NAALADL2: variants seen among roughly 807,000 people sequenced by gnomAD.
NAALADL2 encodes the protein N-acetylated alpha-linked acidic dipeptidase like 2.
In NAALADL2, 76 loss-of-function variants were observed where a neutral mutation model predicts 87.2. The ratio of observed to expected loss-of-function variants is 0.87; its 90% CI spans 0.72 to 1.05. The LOEUF is 1.05. Among genes scored for constraint, NAALADL2 ranks in the 50% least tolerant of loss-of-function variants. The pLI, the probability that NAALADL2 is intolerant of heterozygous loss-of-function variation, is 0.00. For synonymous variants in NAALADL2, 354 were observed against 331.0 expected (o/e 1.07, Z -0.75); for missense variants, 1,089 against 945.8 (o/e 1.15, Z -1.99).
At chr3:175,170,527 C>T (rs1283527272) in intron 2 of NAALADL2, among the ~76,000 whole-genome samples, 2 of 146,836 alleles carry the variant, frequency 1.4e-5, no homozygotes, top group Non-Finnish European at 3.0e-5. Context: ...TAGTATTTGC[C>T]TAGAAGAGAG....
At chr3:175,197,225 T>G (rs1249607623) in intron 2 of NAALADL2, among the ~76,000 whole-genome samples, 1 of 152,050 alleles carries the variant, frequency 6.6e-6, no homozygotes, top group East Asian at 1.9e-4. Flanking sequence ...TGCATATGTC[T>G]GTATTTGTTT....
chr3:175,157,762 G>T (rs186777515), intron 2 of NAALADL2, among the ~76,000 whole-genome samples: 1 of 151,968 alleles, frequency 6.6e-6, no homozygotes, highest in African/African-American at 2.4e-5. Context: ...AAGTTATCTC[G>T]TAGAACAGTG....
At chr3:174,709,831 T>C (rs1014195060) in intron 2 of NAALADL2, among the ~76,000 whole-genome samples, 1 of 152,238 alleles carries the variant, frequency 6.6e-6, no homozygotes, top group Non-Finnish European at 1.5e-5. Context: ...GACTGGCTAC[T>C]GTTCTTTCTC....
chr3:175,097,253 C>T lies in NAALADL2; in HGVS notation c.507C>T (p.Leu169=). Residue 169 remains leucine (L), a synonymous_variant, in exon 2 of 14, where the codon CTC becomes CTT. Transcript: ENST00000454872. The part of the protein sequence containing the change: ...TVDPQLYQEI[L]KTIQAEDIKK... Reference sequence around the variant, plus strand: ...ATCCTCAGTTATATCAAGAGATTCTCAAGACAATCCAGGCAGAAGATATTA... The same window carrying T: ...ATCCTCAGTTATATCAAGAGATTCTTAAGACAATCCAGGCAGAAGATATTA... 1 of 1,612,556 alleles carries T rather than the reference C, an allele frequency of 6.2e-7. No homozygotes were observed. The highest frequency in any genetic ancestry group is 1.3e-5 in the African/African-American group (1 of 74,864).
intron 2 of NAALADL2, among the ~76,000 whole-genome samples, chr3:175,108,433 A>G (rs547181425): frequency 1.4e-3 from 217 of 152,142 alleles, no homozygotes; most frequent in African/African-American, 4.9e-3. Flanking sequence ...AGCAGTTCCA[A>G]TTCTATGGAG....
At chr3:175,568,699 T>C (rs900514466) in intron 9 of NAALADL2, among the ~76,000 whole-genome samples, 1 of 152,220 alleles carries the variant, frequency 6.6e-6, no homozygotes, top group Non-Finnish European at 1.5e-5. Flanking sequence ...TCAAAAATTA[T>C]GTTTCAACTG....
At chr3:175,391,124 A>G (rs763760427) in intron 5 of NAALADL2, among the ~76,000 whole-genome samples, 1 of 152,208 alleles carries the variant, frequency 6.6e-6, no homozygotes, top group Non-Finnish European at 1.5e-5. Flanking sequence ...CAATGTAGAC[A>G]AACCTAAAAG....
At chr3:175,623,169 T>C (rs1726469045) in intron 10 of NAALADL2, among the ~76,000 whole-genome samples, 1 of 152,146 alleles carries the variant, frequency 6.6e-6, no homozygotes, top group African/African-American at 2.4e-5. Flanking sequence ...GCATAAATCT[T>C]AATTTTTAAG....
At chr3:175,730,409 T>TATATATATATATATATATATATATAG (rs1743537532) in intron 11 of NAALADL2, among the ~76,000 whole-genome samples, 3 of 81,080 alleles carry the variant, frequency 3.7e-5, no homozygotes, top group Non-Finnish European at 7.5e-5. Context: ...TATATATATA[T>TATATATATATATATATATATATATAG]ATATATATAT....
chr3:174,983,046 C>T (rs1210384915), intron 1 of NAALADL2, among the ~76,000 whole-genome samples: 1 of 152,148 alleles, frequency 6.6e-6, no homozygotes, highest in Non-Finnish European at 1.5e-5. Flanking sequence ...GATCCGCCTG[C>T]CTCGGCCTCC....
At chr3:174,843,614 A>G (rs1486431253) in intron 3 of NAALADL2, among the ~76,000 whole-genome samples, 1 of 152,164 alleles carries the variant, frequency 6.6e-6, no homozygotes, top group Non-Finnish European at 1.5e-5. Flanking sequence ...AGGAACCTCT[A>G]TAATGTTTTT....
At chr3:175,047,675 C>A (rs1033820615) in intron 1 of NAALADL2, among the ~76,000 whole-genome samples, 4 of 152,086 alleles carry the variant, frequency 2.6e-5, no homozygotes, top group South Asian at 2.1e-4. Context: ...TTTTACTAGA[C>A]TCATCAGATT....
At chr3:174,501,709 A>T (rs1718907775) in intron 1 of NAALADL2, among the ~76,000 whole-genome samples, 1 of 152,010 alleles carries the variant, frequency 6.6e-6, no homozygotes, top group Admixed American at 6.6e-5. Context: ...ATATTCTCTT[A>T]ATATTATAAT....
intron 1 of NAALADL2, among the ~76,000 whole-genome samples, chr3:174,516,592 G>A (rs1272308732): frequency 1.3e-5 from 2 of 151,790 alleles, no homozygotes; most frequent in African/African-American, 2.4e-5. Flanking sequence ...ATGTATCTTG[G>A]TATTCATTTG....
intron 2 of NAALADL2, among the ~76,000 whole-genome samples, chr3:174,616,985 T>C (rs1054392387): frequency 2.6e-5 from 4 of 151,818 alleles, no homozygotes; most frequent in Non-Finnish European, 5.9e-5. Context: ...TAAGCATAGT[T>C]GGTCTTAATA....
At chr3:175,447,887 T>C (rs1720951996) in intron 6 of NAALADL2, among the ~76,000 whole-genome samples, 1 of 152,196 alleles carries the variant, frequency 6.6e-6, no homozygotes, top group Admixed American at 6.5e-5. Context: ...AGGATGAAAC[T>C]GAAGTAGTTA....
intron 9 of NAALADL2, among the ~76,000 whole-genome samples, chr3:175,542,492 G>T (rs1299213926): frequency 1.3e-5 from 2 of 152,172 alleles, no homozygotes; most frequent in Non-Finnish European, 1.5e-5. Flanking sequence ...GCCCTCCATT[G>T]TCCTTGGGTT....
intron 2 of NAALADL2, among the ~76,000 whole-genome samples, chr3:174,617,759 A>G (rs1211398831): frequency 6.6e-6 from 1 of 151,834 alleles, no homozygotes; most frequent in Non-Finnish European, 1.5e-5. Context: ...CAAGATTTAG[A>G]GATGATTTAC....
rs149008311 is a variant in NAALADL2 at position 175,301,289 on chromosome 3, C to T, written c.940-22886C>T. On this transcript the variant is annotated intron_variant, in intron 4 of 13. Coordinates refer to ENST00000454872, the MANE Select transcript of NAALADL2 (RefSeq NM_207015.3). ...ATCCCTCCCCTTGTTCCCAAACCCC[C>T]CGACAGGGATAGCATTAGGAGAAAT... Among the ~76,000 whole-genome samples, 860 of 152,208 alleles carry T rather than the reference C, an allele frequency of 5.7e-3. 3 individuals are homozygous for T. The highest frequency in any genetic ancestry group is 9.3e-3 in the Non-Finnish European group (631 of 68,006).
Sources: gnomAD v4.1 joint callset for allele counts (sites outside exome capture counted in the v4.1 genomes callset) on GRCh38, gnomAD v4.1.1 for gene constraint, MANE v1.5 for transcripts, NCBI Gene and HGNC (gene_info 2026-07-23, HGNC 2026-07-21) for gene names.